The following SI variants were observed in gnomAD, a reference collection of about 807,000 sequenced individuals.
SI encodes the protein sucrase-isomaltase, also known as sucrase-isomaltase, intestinal.
In SI, 235 loss-of-function variants were observed where a neutral mutation model predicts 253.3. That is an observed-to-expected ratio of 0.93 (90% CI 0.83 to 1.03). SI has a LOEUF of 1.03. SI is among the 50% of genes least tolerant of loss of function. The probability of loss-of-function intolerance (pLI) is 0.00; values close to 1 mark genes in which losing one functional copy is unlikely to be tolerated. For synonymous variants in SI, 819 were observed against 712.0 expected (o/e 1.15, Z -2.39); for missense variants, 2,442 against 2,211.1 (o/e 1.10, Z -2.09).
At chr3:164,999,425 T>G (rs1718162685) in intron 37 of SI, among the ~76,000 whole-genome samples, 1 of 151,462 alleles carries the variant, frequency 6.6e-6, no homozygotes, top group South Asian at 2.1e-4. Context: ...CAGATTATAT[T>G]ATAAGAGTAT....
chr3:165,052,343 G>A (rs375028759), intron 13 of SI, among the ~76,000 whole-genome samples: 11 of 152,284 alleles, frequency 7.2e-5, no homozygotes, highest in South Asian at 2.1e-4. Context: ...TCAGTGGACT[G>A]ATAGTAATAA....
At chr3:165,088,285 G>A in the SI span, among the ~76,000 whole-genome samples, 3 of 152,052 alleles carry the variant, frequency 2.0e-5, no homozygotes, top group African/African-American at 7.2e-5. Context: ...GGCTAAGGTT[G>A]CAGTGAGCCC....
chr3:165,000,010 T>A (rs112977346), intron 37 of SI, among the ~76,000 whole-genome samples: 3 of 151,142 alleles, frequency 2.0e-5, no homozygotes, highest in African/African-American at 4.8e-5. Flanking sequence ...TTACATATAT[T>A]TTTTTGAAAT....
At position 165,019,686 on chromosome 3, in the gene SI, A is replaced by G. The variant is rs1337581357; in HGVS notation, c.3339T>C (p.Gly1113=). 5 of 1,612,440 alleles carry G rather than the reference A, an allele frequency of 3.1e-6. No homozygotes were observed. The highest frequency in any genetic ancestry group is 4.5e-5 in the East Asian group (2 of 44,822). The change falls in exon 28 of 48, where the codon GGT becomes GGC. Residue 1113 remains glycine, a synonymous_variant. Coordinates refer to ENST00000264382, the MANE Select transcript of SI (RefSeq NM_001041.4). ...STRLPSEYIY[G]FGEVEHTAFK... Reference sequence around the variant, plus strand: ...ATGCTGTATGTTCCACTTCCCCAAAACCATATATATATTCTGATGGCAGGC... The same window carrying G: ...ATGCTGTATGTTCCACTTCCCCAAAGCCATATATATATTCTGATGGCAGGC...
intron 5 of SI, among the ~76,000 whole-genome samples, chr3:165,067,839 T>C (rs1228275706): frequency 1.3e-5 from 2 of 151,812 alleles, no homozygotes; most frequent in Non-Finnish European, 2.9e-5. Context: ...AGTGTTTGGG[T>C]CCTTATATAA....
intron 18 of SI, 43 bp from the exon 19 acceptor site, chr3:165,040,014 A>G: frequency 6.9e-6 from 10 of 1,456,152 alleles, no homozygotes; most frequent in Non-Finnish European, 9.6e-6. Context: ...ATGAAAAAAT[A>G]AGTTTATCCA....
chr3:165,017,634 C>A lies in SI; in HGVS notation c.3673G>T (p.Gly1225Ter). 1.2e-6 allele frequency: 2 copies of A among 1,612,514 alleles called. No homozygotes were observed. Among genetic ancestry groups the A allele is most frequent in the Non-Finnish European group, 1.7e-6 (2 of 1,179,042 alleles). The change falls in exon 31 of 48, where the codon GGA becomes TGA. Residue 1225 changes from glycine (G) to a stop codon, truncating the protein, a stop_gained. Transcript: ENST00000264382. LOFTEE classifies it high-confidence loss of function. ...HPVMPAYWAL[G>*]FQLCRYGYAN... Reference sequence around the variant, plus strand: ...TATCCATAACGACATAATTGGAATCCCAAAGCCCAATAAGCTGGCATGACT... The same window carrying A: ...TATCCATAACGACATAATTGGAATCACAAAGCCCAATAAGCTGGCATGACT...
chr3:164,996,726 A>C lies in SI; in HGVS notation c.4575+12T>G. 2 of 1,178,696 alleles carry C rather than the reference A, an allele frequency of 1.7e-6. No individual in the cohort carries two copies. The highest frequency in any genetic ancestry group is 2.5e-6 in the Non-Finnish European group (2 of 795,014). The allele number at this position is 1,178,696 out of a possible 1,614,324, so 73.0% of individuals were successfully genotyped here. A position where few individuals can be genotyped will look rare whatever the true frequency, so the allele number is the denominator to read the frequency against. The stretch of plus-strand genomic sequence containing the variant: ...TATAATTTATGAAGATAAAAGGAAT[A>C]AAACTACTTACATATGACATTCCAA... On this transcript the variant is annotated intron_variant, in intron 39 of 47. Coordinates refer to ENST00000264382, the MANE Select transcript of SI (RefSeq NM_001041.4).
intron 37 of SI, among the ~76,000 whole-genome samples, chr3:165,002,322 A>G (rs1233432146): frequency 1.3e-5 from 2 of 151,734 alleles, no homozygotes; most frequent in African/African-American, 4.8e-5. Context: ...CTTTTTGTGC[A>G]GGATTTCTAT....
chr3:165,042,173 G>A (rs1330390461), intron 17 of SI, among the ~76,000 whole-genome samples: 1 of 152,006 alleles, frequency 6.6e-6, no homozygotes, highest in African/African-American at 2.4e-5. Flanking sequence ...AGTGAACGCA[G>A]AGTGTCATGT....
chr3:165,032,777 A>T (rs908597924), intron 23 of SI, 85 bp from the exon 24 acceptor site: 2 of 876,948 alleles, frequency 2.3e-6, no homozygotes, highest in Admixed American at 4.2e-5. Flanking sequence ...TAGCAAAAAA[A>T]GGTCATCATC....
intron 38 of SI, among the ~76,000 whole-genome samples, chr3:164,997,468 G>T: frequency 6.7e-6 from 1 of 149,344 alleles, no homozygotes; most frequent in Non-Finnish European, 1.5e-5. Flanking sequence ...ATCTATCAGT[G>T]ATTTATATTC....
intron 10 of SI, 140 bp downstream of exon 10, chr3:165,059,762 A>G (rs1424451813): frequency 2.3e-6 from 2 of 863,296 alleles, no homozygotes; most frequent in Non-Finnish European, 3.7e-6. Context: ...GAGATAAAAT[A>G]TACTTTACAA....
Position 165,017,433 on chromosome 3 carries a change from TA to T in SI, c.3759+114del, listed in dbSNP as rs1430905196. Reference sequence around the variant, plus strand: ...TCATATCCAATACATAAGGTGCCAGTAAAAAAAGCTAAGCATTATTACCAGC... The same window carrying T: ...TCATATCCAATACATAAGGTGCCAGTAAAAAAGCTAAGCATTATTACCAGC... On this transcript the variant is annotated intron_variant, in intron 31 of 47. Transcript: ENST00000264382. 6.4e-5 allele frequency: 62 copies of T among 966,830 alleles called. 2 individuals carry two copies. In the South Asian group the frequency reaches 8.1e-4, roughly 13 times the overall value. The allele number at this position is 966,830 out of a possible 1,614,324, so 59.9% of individuals were successfully genotyped here.
intron 12 of SI, 71 bp downstream of exon 12, chr3:165,058,892 A>ACAC: frequency 6.2e-6 from 8 of 1,288,510 alleles, no homozygotes; most frequent in African/African-American, 1.5e-5. Flanking sequence ...ACACACGCAC[A>ACAC]TCCACAGAAA....
At chr3:165,040,075 T>C (rs1196115765) in intron 18 of SI, 104 bp from the exon 19 acceptor site, 10 of 866,168 alleles carry the variant, frequency 1.2e-5, no homozygotes, top group African/African-American at 1.7e-5. Flanking sequence ...ATTGTTGTTA[T>C]CTTGAATTGT....
intron 37 of SI, among the ~76,000 whole-genome samples, chr3:165,002,277 A>G (rs1227029425): frequency 6.6e-6 from 1 of 151,758 alleles, no homozygotes; most frequent in Non-Finnish European, 1.5e-5. Flanking sequence ...TTGAATTTCA[A>G]ATTACAAGAG....
At chr3:165,060,818 A>C (rs1197132193) in intron 9 of SI, among the ~76,000 whole-genome samples, 1 of 147,018 alleles carries the variant, frequency 6.8e-6, no homozygotes, top group Non-Finnish European at 1.5e-5. Context: ...TATACATATC[A>C]TATATATATT....
At chr3:165,033,541 A>T (rs138781170) in intron 22 of SI, 97 bp from the exon 23 acceptor site, 1 of 1,159,368 alleles carries the variant, frequency 8.6e-7, no homozygotes, top group Non-Finnish European at 1.1e-6. Context: ...TGAACAAACT[A>T]GATGCTGTTT....
Sources: gnomAD v4.1 joint callset for allele counts (sites outside exome capture counted in the v4.1 genomes callset) on GRCh38, gnomAD v4.1.1 for gene constraint, MANE v1.5 for transcripts, NCBI Gene and HGNC (gene_info 2026-07-23, HGNC 2026-07-21) for gene names.